Variants in BNC2 observed in about 807,000 individuals in gnomAD.
BNC2 encodes zinc finger protein basonuclin-2.
In BNC2, 20 loss-of-function variants were observed where a neutral mutation model predicts 76.3. The observed-to-expected ratio is 0.26, with a 90% CI of 0.18 to 0.38. The LOEUF (loss-of-function observed/expected upper bound fraction) is 0.38. BNC2 is among the 10% of genes least tolerant of loss of function. The pLI, the probability that BNC2 is intolerant of heterozygous loss-of-function variation, is 1.00. For missense variants in BNC2, 1,382 were observed against 1,399.8 expected, an observed-to-expected ratio of 0.99 and a Z score of 0.20; for synonymous variants, 582 against 514.8, an observed-to-expected ratio of 1.13 and a Z score of -1.77.
At chr9:16,538,535 T>G (rs1003596345) in intron 5 of BNC2, among the ~76,000 whole-genome samples, 1 of 152,206 alleles carries the variant, frequency 6.6e-6, no homozygotes, top group Non-Finnish European at 1.5e-5. Context: ...CATCTTTGAT[T>G]TCTCACTAAA....
chr9:16,812,263 G>A (rs1818072686), intron 1 of BNC2, among the ~76,000 whole-genome samples: 1 of 152,134 alleles, frequency 6.6e-6, no homozygotes, highest in Non-Finnish European at 1.5e-5. Flanking sequence ...CTTGCGCTGG[G>A]GCTTCTTCAC....
intron 1 of BNC2, among the ~76,000 whole-genome samples, chr9:16,740,870 T>TC (rs143057465): frequency 0.051 from 7,756 of 152,084 alleles, 663 homozygotes; most frequent in African/African-American, 0.18. Flanking sequence ...ACCCTTTTTT[T>TC]CCCTCAGAAA....
intron 3 of BNC2, among the ~76,000 whole-genome samples, chr9:16,678,932 G>A (rs1822741146): frequency 6.6e-6 from 1 of 152,026 alleles, no homozygotes; most frequent in African/African-American, 2.4e-5. Context: ...ATGTTCCCTT[G>A]CTTGAGGAGT....
chr9:16,426,325 C>CTT (rs34622231), intron 6 of BNC2, among the ~76,000 whole-genome samples: 1,579 of 136,970 alleles, frequency 0.012, 25 homozygotes, highest in African/African-American at 0.035. Context: ...CCATGCCCAG[C>CTT]TTTTTTTTTT....
intron 3 of BNC2, among the ~76,000 whole-genome samples, chr9:16,670,222 T>G (rs970087725): frequency 6.6e-6 from 1 of 152,216 alleles, no homozygotes; most frequent in Non-Finnish European, 1.5e-5. Flanking sequence ...CAGTAAAGAT[T>G]TGGGTCTACT....
Position 16,418,672 on chromosome 9 carries a change from GTGTGTGTGTGTGTGTGTGTATGTGCA to G in BNC2, c.*291_*316del, listed in dbSNP as rs753643758. 681 of 312,088 alleles carry G rather than the reference GTGTGTGTGTGTGTGTGTGTATGTGCA, an allele frequency of 2.2e-3. 2 individuals are homozygous for G. The highest frequency in any genetic ancestry group is 3.7e-3 in the South Asian group (83 of 22,652). The allele number at this position is 312,088 out of a possible 1,614,324, so 19.3% of individuals were successfully genotyped here. A position where few individuals can be genotyped will look rare whatever the true frequency, so the allele number is the denominator to read the frequency against. ...CTGGGGCTAGTTGCACACTGTGTGT[GTGTGTGTGTGTGTGTGTGTATGTGCA>G]TGTGTGTGTGTGTGTGTTTAAAGGG... On this transcript the variant is annotated 3_prime_UTR_variant, in exon 7 of 7. Transcript: ENST00000380672.
At chr9:16,787,003 C>T (rs1826313573) in intron 1 of BNC2, among the ~76,000 whole-genome samples, 1 of 152,132 alleles carries the variant, frequency 6.6e-6, no homozygotes, top group African/African-American at 2.4e-5. Context: ...ACAGTGATTC[C>T]AGGCTCCCTT....
At chr9:16,539,035 A>G (rs1279333785) in intron 5 of BNC2, among the ~76,000 whole-genome samples, 2 of 152,102 alleles carry the variant, frequency 1.3e-5, no homozygotes, top group East Asian at 1.9e-4. Flanking sequence ...ACCACTTGTA[A>G]TATACCATGG....
At chr9:16,589,095 C>A (rs879438948) in intron 3 of BNC2, among the ~76,000 whole-genome samples, 2 of 152,124 alleles carry the variant, frequency 1.3e-5, no homozygotes, top group Admixed American at 6.5e-5. Context: ...GTGTTCCACA[C>A]ACAAACAAAA....
Position 16,546,922 on chromosome 9 carries a change from A to C in BNC2, c.669+5608T>G, listed in dbSNP as rs538159261. Among the ~76,000 whole-genome samples, 5 of 152,340 alleles carry C rather than the reference A, an allele frequency of 3.3e-5. No individual in the cohort carries two copies. In the South Asian group the frequency reaches 8.3e-4, roughly 25 times the overall value. ...CAAACTTCAAAACATCCTCCTTCCAATATTTAATACACCCTTTTATGTATA... is the reference window on the plus strand; with the variant it reads ...CAAACTTCAAAACATCCTCCTTCCACTATTTAATACACCCTTTTATGTATA... On this transcript the variant is annotated intron_variant, in intron 5 of 6. Coordinates refer to ENST00000380672, the MANE Select transcript of BNC2 (RefSeq NM_017637.6).
At chr9:16,720,542 G>A (rs1415071857) in intron 3 of BNC2, among the ~76,000 whole-genome samples, 1 of 152,070 alleles carries the variant, frequency 6.6e-6, no homozygotes, top group Non-Finnish European at 1.5e-5. Context: ...TAAATAAGAC[G>A]TCAGATATGC....
chr9:16,795,967 A>G (rs111948310), intron 1 of BNC2, among the ~76,000 whole-genome samples: 5 of 152,310 alleles, frequency 3.3e-5, no homozygotes, highest in African/African-American at 1.2e-4. Flanking sequence ...AAACCTTGCA[A>G]AGGAGAGAGC....
intron 1 of BNC2, among the ~76,000 whole-genome samples, chr9:16,748,471 G>C (rs1391803436): frequency 6.6e-6 from 1 of 152,094 alleles, no homozygotes; most frequent in African/African-American, 2.4e-5. Flanking sequence ...TCCTGAGCGT[G>C]CCACTGCACT....
chr9:16,813,886 A>G (rs896646208), intron 1 of BNC2, among the ~76,000 whole-genome samples: 7 of 152,156 alleles, frequency 4.6e-5, no homozygotes, highest in African/African-American at 1.7e-4. Flanking sequence ...AGCAATGGGA[A>G]TATGGTTTTC....
intron 1 of BNC2, among the ~76,000 whole-genome samples, chr9:16,783,490 T>C (rs1403649308): frequency 1.3e-5 from 2 of 152,248 alleles, no homozygotes; most frequent in Non-Finnish European, 2.9e-5. Flanking sequence ...CTTACGCTTC[T>C]GCATACGACA....
intron 4 of BNC2, among the ~76,000 whole-genome samples, chr9:16,578,121 A>T (rs1407321490): frequency 1.3e-5 from 2 of 151,660 alleles, no homozygotes; most frequent in Non-Finnish European, 2.9e-5. Flanking sequence ...GATCTAGTTT[A>T]AAAAAAAATT....
intron 3 of BNC2, among the ~76,000 whole-genome samples, chr9:16,700,627 T>C (rs371735887): frequency 1.7e-3 from 262 of 152,246 alleles, no homozygotes; most frequent in African/African-American, 6.0e-3. Flanking sequence ...TTTTTTGCGG[T>C]GGTATTTACC....
At chr9:16,713,935 C>T (rs907344937) in intron 3 of BNC2, among the ~76,000 whole-genome samples, 1 of 152,134 alleles carries the variant, frequency 6.6e-6, no homozygotes, top group Non-Finnish European at 1.5e-5. Context: ...ATCACCTAGG[C>T]ATGGTGGCGT....
chr9:16,565,866 G>C (rs1819152101), intron 4 of BNC2, among the ~76,000 whole-genome samples: 1 of 151,452 alleles, frequency 6.6e-6, no homozygotes, highest in South Asian at 2.1e-4. Flanking sequence ...ATTACAAACT[G>C]GATATGTGAC....
Sources: allele counts gnomAD v4.1 joint callset (sites outside exome capture counted in the v4.1 genomes callset), GRCh38; gene constraint gnomAD v4.1.1; transcripts MANE v1.5; gene names NCBI Gene and HGNC (gene_info 2026-07-23, HGNC 2026-07-21).